Variants in SUPT3H observed in about 807,000 individuals in gnomAD.
The protein encoded by SUPT3H is transcription initiation protein SPT3 homolog.
In SUPT3H, 44 loss-of-function variants were observed where a neutral mutation model predicts 44.3. The observed-to-expected ratio is 0.99, with a 90% CI of 0.78 to 1.28. The LOEUF is 1.28. Among genes scored for constraint, SUPT3H ranks in the 50% most tolerant of loss-of-function variants. The pLI, the probability that SUPT3H is intolerant of heterozygous loss-of-function variation, is 0.00. For synonymous variants in SUPT3H, 124 were observed against 125.6 expected, an observed-to-expected ratio of 0.99 and a Z score of 0.09; for missense variants, 380 against 387.1, an observed-to-expected ratio of 0.98 and a Z score of 0.15.
intron 2 of SUPT3H, among the ~76,000 whole-genome samples, chr6:45,327,356 AG>A (rs1331987637): frequency 6.6e-6 from 1 of 152,048 alleles, no homozygotes; most frequent in Non-Finnish European, 1.5e-5. Flanking sequence ...TTATAACATA[AG>A]CATTTTACTT....
chr6:44,959,039 C>CTTGT (rs535045498), intron 7 of SUPT3H, among the ~76,000 whole-genome samples: 88 of 151,954 alleles, frequency 5.8e-4, no homozygotes, highest in South Asian at 2.3e-3. Context: ...CCACGCCTGG[C>CTTGT]TTGTTTGTTT....
At chr6:45,062,227 T>C (rs1046238272) in intron 3 of SUPT3H, among the ~76,000 whole-genome samples, 14 of 152,068 alleles carry the variant, frequency 9.2e-5, no homozygotes, top group Non-Finnish European at 1.9e-4. Flanking sequence ...ATTACATTCA[T>C]CTTAGAAAGT....
intron 3 of SUPT3H, among the ~76,000 whole-genome samples, chr6:45,081,078 C>T (rs1196522307): frequency 6.6e-6 from 1 of 150,958 alleles, no homozygotes; most frequent in Non-Finnish European, 1.5e-5. Flanking sequence ...TATATATATA[C>T]AACTATGTAT....
intron 3 of SUPT3H, among the ~76,000 whole-genome samples, chr6:45,055,986 C>T (rs1048560888): frequency 2.6e-5 from 4 of 151,896 alleles, no homozygotes; most frequent in African/African-American, 4.8e-5. Flanking sequence ...AAGAAAAATA[C>T]AAATAATCTC....
intron 10 of SUPT3H, among the ~76,000 whole-genome samples, chr6:44,888,744 T>C (rs947225021): frequency 7.9e-5 from 12 of 151,968 alleles, no homozygotes; most frequent in Admixed American, 5.9e-4. Flanking sequence ...CTATTCAACA[T>C]AGTGTTGGAA....
intron 10 of SUPT3H, among the ~76,000 whole-genome samples, chr6:44,832,457 A>AAATT (rs1768989518): frequency 6.6e-6 from 1 of 152,066 alleles, no homozygotes; most frequent in South Asian, 2.1e-4. Flanking sequence ...CCACTACTGA[A>AAATT]AATTATAGCT....
intron 2 of SUPT3H, among the ~76,000 whole-genome samples, chr6:45,324,631 G>GA: frequency 6.6e-6 from 1 of 151,810 alleles, no homozygotes; most frequent in African/African-American, 2.4e-5. Flanking sequence ...GAGAGAGATA[G>GA]GGAGAGGGAG....
chr6:44,898,647 C>G (rs1044652948), intron 10 of SUPT3H: 1 of 152,472 alleles, frequency 6.6e-6, no homozygotes, highest in Non-Finnish European at 1.5e-5. Context: ...GGCCTCCCAG[C>G]CAGCCCCCTA....
intron 3 of SUPT3H, among the ~76,000 whole-genome samples, chr6:45,090,444 T>A (rs1377417687): frequency 6.6e-6 from 1 of 152,038 alleles, no homozygotes; most frequent in African/African-American, 2.4e-5. Context: ...AATGGGAAAC[T>A]GAATTCCAGT....
intron 2 of SUPT3H, chr6:45,159,427 A>C (rs1808570227): frequency 6.6e-6 from 1 of 152,198 alleles, no homozygotes; most frequent in Non-Finnish European, 1.5e-5. Flanking sequence ...GGCACAGATC[A>C]AAATAGTCAT....
chr6:44,880,814 T>A (rs1778097217), intron 10 of SUPT3H, among the ~76,000 whole-genome samples: 1 of 152,124 alleles, frequency 6.6e-6, no homozygotes, highest in South Asian at 2.1e-4. Flanking sequence ...CAGAATTTCA[T>A]ATCCAGCCAA....
chr6:45,086,056 CAG>C (rs1411760109), intron 3 of SUPT3H, among the ~76,000 whole-genome samples: 1 of 151,998 alleles, frequency 6.6e-6, no homozygotes, highest in Non-Finnish European at 1.5e-5. Context: ...GGAGTTCTAT[CAG>C]AAATTACTTG....
Position 45,331,746 on chromosome 6 carries a change from C to T in SUPT3H, c.101+33455G>A, listed in dbSNP as rs542829352. Among the ~76,000 whole-genome samples, 12 of 151,786 alleles carry T rather than the reference C, an allele frequency of 7.9e-5. 1 individual carries two copies. In the South Asian group the frequency reaches 2.1e-3, roughly 26 times the overall value. On this transcript the variant is annotated intron_variant, in intron 2 of 10. Transcript: ENST00000371459. ...GTCTGTCTGACTCTCCTGATCAATCCGTCTCTATATCACAAGGCATGAAAT... is the reference window on the plus strand; with the variant it reads ...GTCTGTCTGACTCTCCTGATCAATCTGTCTCTATATCACAAGGCATGAAAT...
At position 45,208,175 on chromosome 6, in the gene SUPT3H, A is replaced by G. The variant is rs553121628; in HGVS notation, c.102-102169T>C. ...TTTAGTGGTCTGGGTAGATGATAAT[A>G]CCAGTTAGAACATTCCCATAAGCCA... On this transcript the variant is annotated intron_variant, in intron 2 of 10. Transcript: ENST00000371459. Among the ~76,000 whole-genome samples the G allele has an allele frequency of 4.6e-5, 7 of 152,198 alleles. No homozygotes were observed. The South Asian group carries it at 1.5e-3, about 32-fold the overall frequency.
intron 2 of SUPT3H, among the ~76,000 whole-genome samples, chr6:45,363,000 AG>A (rs1205177104): frequency 1.3e-5 from 2 of 151,912 alleles, no homozygotes; most frequent in Non-Finnish European, 2.9e-5. Flanking sequence ...TAATTTTGGT[AG>A]GTACATAGGT....
At chr6:44,917,119 A>G (rs940129569) in intron 10 of SUPT3H, among the ~76,000 whole-genome samples, 3 of 152,086 alleles carry the variant, frequency 2.0e-5, no homozygotes, top group African/African-American at 7.2e-5. Context: ...GCACCACTGC[A>G]TTCCAGCCTG....
intron 10 of SUPT3H, among the ~76,000 whole-genome samples, chr6:44,888,749 T>C (rs1234670436): frequency 9.2e-5 from 14 of 152,148 alleles, no homozygotes; most frequent in Middle Eastern, 3.4e-3. Flanking sequence ...CAACATAGTG[T>C]TGGAAGTTCT....
chr6:45,281,553 C>A (rs4631280), intron 2 of SUPT3H, among the ~76,000 whole-genome samples: 46,498 of 152,000 alleles, frequency 0.31, 8,763 homozygotes, highest in East Asian at 0.57. Flanking sequence ...GAGGGGCGCC[C>A]ACCATTGCCG....
chr6:45,127,408 C>T (rs1802608231), intron 2 of SUPT3H, among the ~76,000 whole-genome samples: 2 of 152,166 alleles, frequency 1.3e-5, no homozygotes, highest in East Asian at 3.9e-4. Flanking sequence ...AGGCACCTGA[C>T]ATCATTAAAT....
Sources: allele counts gnomAD v4.1 joint callset (sites outside exome capture counted in the v4.1 genomes callset), GRCh38; gene constraint gnomAD v4.1.1; transcripts MANE v1.5; gene names NCBI Gene and HGNC (gene_info 2026-07-23, HGNC 2026-07-21).